Variants in FLT4 observed in about 807,000 individuals in gnomAD.
FLT4 encodes the protein vascular endothelial growth factor receptor 3.
A neutral mutation model predicts 163.2 loss-of-function variants in FLT4; 30 were observed. The ratio of observed to expected loss-of-function variants is 0.18; its 90% confidence interval spans 0.14 to 0.25. The LOEUF (loss-of-function observed/expected upper bound fraction) is 0.25. Among genes scored for constraint, FLT4 ranks in the 10% least tolerant of loss-of-function variants. FLT4 has a pLI of 1.00. For missense variants in FLT4, 1,510 were observed against 1,863.8 expected, an observed-to-expected ratio of 0.81 and a Z score of 3.50; for synonymous variants, 884 against 789.5, an observed-to-expected ratio of 1.12 and a Z score of -2.01.
chr5:180,626,270 C>T lies in FLT4; in HGVS notation c.1104-5G>A, dbSNP rs2127828359. 6.2e-7 allele frequency: 1 copy of T among 1,611,618 alleles called. No individual in the cohort carries two copies. The highest frequency in any genetic ancestry group is 1.3e-5 in the African/African-American group (1 of 75,018). ...AGTGCCTTTCCATCCTTGTACCTGG[C>T]CAGGGAAGGGAGGTCAGGGCCCATA... On this transcript the variant is annotated splice_region_variant and splice_polypyrimidine_tract_variant and intron_variant, in intron 8 of 29. Transcript: ENST00000261937.
intron 27 of FLT4, among the ~76,000 whole-genome samples, chr5:180,610,490 G>A (rs1437315597): frequency 6.6e-5 from 10 of 152,268 alleles, no homozygotes; most frequent in Non-Finnish European, 1.2e-4. Flanking sequence ...TGCTAGGGCA[G>A]AGGGACAGGA....
intron 13 of FLT4, 52 bp downstream of exon 13, chr5:180,621,490 C>A: frequency 6.3e-7 from 1 of 1,597,026 alleles, no homozygotes; most frequent in African/African-American, 1.3e-5. Flanking sequence ...AAGGCAGAGG[C>A]AGCTACTGCT....
At chr5:180,604,548 G>A (rs1208872705) in intron 29 of FLT4, among the ~76,000 whole-genome samples, 2 of 152,030 alleles carry the variant, frequency 1.3e-5, no homozygotes, top group African/African-American at 2.4e-5. Context: ...CTCCTGACAC[G>A]CCCTCCAACG....
At chr5:180,647,100 A>G (rs1261651050) in intron 1 of FLT4, among the ~76,000 whole-genome samples, 1 of 152,178 alleles carries the variant, frequency 6.6e-6, no homozygotes, top group Non-Finnish European at 1.5e-5. Flanking sequence ...AGGTCACAGC[A>G]AGGGCAAACG....
intron 29 of FLT4, among the ~76,000 whole-genome samples, chr5:180,605,587 TA>T (rs1237236938): frequency 6.6e-6 from 1 of 152,234 alleles, no homozygotes; most frequent in Non-Finnish European, 1.5e-5. Context: ...TGGATGGGAC[TA>T]GGGATTTTGG....
chr5:180,640,091 C>T (rs920535821), intron 1 of FLT4, among the ~76,000 whole-genome samples: 2 of 152,200 alleles, frequency 1.3e-5, no homozygotes, highest in Non-Finnish European at 2.9e-5. Context: ...GCGTGGCGGG[C>T]GTGGGAGCAG....
chr5:180,645,926 A>C (rs900175049), intron 1 of FLT4, among the ~76,000 whole-genome samples: 10 of 152,094 alleles, frequency 6.6e-5, no homozygotes, highest in Non-Finnish European at 1.3e-4. Flanking sequence ...CCCAACTCCG[A>C]GGGGCATCTC....
chr5:180,638,308 C>T (rs1375922257), intron 1 of FLT4, among the ~76,000 whole-genome samples: 1 of 152,212 alleles, frequency 6.6e-6, no homozygotes, highest in Admixed American at 6.5e-5. Flanking sequence ...TCCAGCCCCA[C>T]CAAAGGCTCC....
chr5:180,621,340 C>T (rs2127815576), intron 13 of FLT4, 88 bp from the exon 14 acceptor site: 1 of 1,498,210 alleles, frequency 6.7e-7, no homozygotes, highest in Middle Eastern at 1.8e-4. Flanking sequence ...AGAAAAGGAT[C>T]CCTGGAAGCT....
At chr5:180,613,430 A>G (rs893462064) in intron 24 of FLT4, 3 of 346,816 alleles carry the variant, frequency 8.7e-6, no homozygotes, top group Admixed American at 8.9e-5. Context: ...AGCCGCCTGC[A>G]GGCAGTTTCA....
chr5:180,632,251 T>G (rs1764236819), intron 1 of FLT4, among the ~76,000 whole-genome samples: 1 of 151,694 alleles, frequency 6.6e-6, no homozygotes, highest in Non-Finnish European at 1.5e-5. Context: ...CCTCGCCCCC[T>G]CCTGCCTGCT....
In FLT4 at chr5:180,612,959, C is replaced by T. The variant is rs377541952; in HGVS notation, c.3431+52G>A. The stretch of plus-strand genomic sequence containing the variant: ...CACCTTCTCATGGACACAACCCCCA[C>T]GCCCCCGACGCTTGCTGTCCCCAAA... On this transcript the variant is annotated intron_variant, in intron 25 of 29. Coordinates refer to ENST00000261937, the MANE Select transcript of FLT4 (RefSeq NM_182925.5). 3.8e-5 allele frequency: 53 copies of T among 1,402,952 alleles called. 1 individual carries two copies. The highest frequency in any genetic ancestry group is 2.1e-4 in the South Asian group (17 of 81,378). 86.9% of individuals were successfully genotyped at this position (1,402,952 alleles called of 1,614,324 possible).
chr5:180,646,958 G>C (rs984958260), intron 1 of FLT4, among the ~76,000 whole-genome samples: 1 of 152,098 alleles, frequency 6.6e-6, no homozygotes, highest in Non-Finnish European at 1.5e-5. Flanking sequence ...ACCTGCATTC[G>C]AGTCCTCAGA....
chr5:180,648,487 C>G (rs1765585394), intron 1 of FLT4, among the ~76,000 whole-genome samples: 1 of 152,198 alleles, frequency 6.6e-6, no homozygotes, highest in African/African-American at 2.4e-5. Context: ...ATTCCTATGG[C>G]GTGCAGAAAT....
rs1188984263 is a variant in FLT4 at position 180,610,016 on chromosome 5, G to T, written c.3696C>A (p.Asn1232Lys). The change falls in exon 28 of 30, where the codon AAC (asparagine) becomes AAA (lysine). Residue 1232 changes from asparagine to lysine, a missense_variant. Asn to Lys is a moderately conservative substitution (Grantham distance 94). Transcript: ENST00000261937. ...QRHSLAARYYNWVSFPGCLAR... is the reference protein window; with the variant it reads ...QRHSLAARYYKWVSFPGCLAR... ...CCAGGCACCCGGGAAAGGACACCCA[G>T]TTGTAATACCTGTGGGGAGAAATCA... 1 of 1,614,202 alleles carries T rather than the reference G, an allele frequency of 6.2e-7. No individual in the cohort carries two copies. Among genetic ancestry groups the T allele is most frequent in the South Asian group, 1.1e-5 (1 of 91,090 alleles).
chr5:180,643,499 T>G lies in FLT4; in HGVS notation c.58+5989A>C, dbSNP rs1765282926. On this transcript the variant is annotated intron_variant, in intron 1 of 29. Transcript: ENST00000261937. ...CAGCCTCAATGGCTCTCCCCCCGGG[T>G]GGCAATACCAGTGTCTCCCACTGGC... Among the ~76,000 whole-genome samples, 3 of 151,970 alleles carry G rather than the reference T, an allele frequency of 2.0e-5. No individual in the cohort carries two copies. The South Asian group carries it at 6.2e-4, about 32-fold the overall frequency.
chr5:180,645,442 C>G (rs1209014281), intron 1 of FLT4, among the ~76,000 whole-genome samples: 1 of 152,214 alleles, frequency 6.6e-6, no homozygotes, highest in East Asian at 1.9e-4. Context: ...ACCCAGCTGG[C>G]GCAGAGGTGG....
Position 180,620,594 on chromosome 5 carries a change from G to A in FLT4, c.2406+15C>T. ...CCTGAGAGAGACTCCATCAGGAGCG[G>A]GGAGGGACACTCACCCTCCTCATGT... On this transcript the variant is annotated intron_variant, in intron 16 of 29. Transcript: ENST00000261937. This position sits in a 1 kb window ranked among gnomAD's most constrained non-coding sequence, Gnocchi z 4.4. 6.4e-7 allele frequency: 1 copy of A among 1,556,246 alleles called. No individual in the cohort carries two copies. Among genetic ancestry groups the A allele is most frequent in the Non-Finnish European group, 8.9e-7 (1 of 1,128,260 alleles).
At chr5:180,618,597 C>A (rs1156278215) in intron 21 of FLT4, among the ~76,000 whole-genome samples, 173 bp downstream of exon 21, 2 of 152,208 alleles carry the variant, frequency 1.3e-5, no homozygotes, top group Non-Finnish European at 1.5e-5. Context: ...CCCAGTCAAT[C>A]GTAAAACATC....
Sources: allele counts gnomAD v4.1 joint callset (sites outside exome capture counted in the v4.1 genomes callset), GRCh38; gene constraint gnomAD v4.1.1; non-coding constraint Gnocchi (gnomAD v3.1); transcripts MANE v1.5; gene names NCBI Gene and HGNC (gene_info 2026-07-23, HGNC 2026-07-21).